The following WDFY4 variants were observed in gnomAD, a reference collection of about 807,000 sequenced individuals.
WDFY4 encodes WD repeat- and FYVE domain-containing protein 4.
WDFY4 carries 169 observed loss-of-function variants against 351.9 expected under a neutral mutation model. That is an observed-to-expected ratio of 0.48 (90% CI 0.42 to 0.55). The LOEUF is 0.55. Among genes scored for constraint, WDFY4 ranks in the 20% least tolerant of loss-of-function variants. WDFY4 has a pLI of 0.00. For synonymous variants in WDFY4, 1,622 were observed against 1,574.6 expected, an observed-to-expected ratio of 1.03 and a Z score of -0.71; for missense variants, 3,803 against 3,935.6, an observed-to-expected ratio of 0.97 and a Z score of 0.90.
intron 47 of WDFY4, among the ~76,000 whole-genome samples, chr10:48,908,959 G>A (rs1260022589): frequency 6.6e-6 from 1 of 152,052 alleles, no homozygotes; most frequent in Non-Finnish European, 1.5e-5. Context: ...TCATGAATCT[G>A]TTTTTCATAT....
At chr10:48,824,461 C>T (rs1327392389) in intron 35 of WDFY4, among the ~76,000 whole-genome samples, 3 of 152,112 alleles carry the variant, frequency 2.0e-5, no homozygotes, top group Non-Finnish European at 2.9e-5. Flanking sequence ...AATCATGTTA[C>T]CATTATTTCA....
At chr10:48,947,056 A>T in intron 51 of WDFY4, 87 bp downstream of exon 51, 6 of 1,119,866 alleles carry the variant, frequency 5.4e-6, no homozygotes, top group African/African-American at 1.6e-5. Flanking sequence ...CTGTGCTTGA[A>T]CAAAGACAGG....
intron 23 of WDFY4, among the ~76,000 whole-genome samples, chr10:48,795,526 TATATATATACAC>T (rs1416769690): frequency 0.09 from 8,189 of 90,674 alleles, 478 homozygotes; most frequent in East Asian, 0.27. Context: ...TATATATACA[TATATATATACAC>T]ACACATGAAT....
intron 1 of WDFY4, among the ~76,000 whole-genome samples, chr10:48,699,905 G>A (rs2063432332): frequency 6.6e-6 from 1 of 152,114 alleles, no homozygotes; most frequent in Non-Finnish European, 1.5e-5. Flanking sequence ...TCCAGGTGTG[G>A]TCCCTGAACC....
At chr10:48,951,517 C>A (rs1219086174) in intron 51 of WDFY4, among the ~76,000 whole-genome samples, 2 of 152,186 alleles carry the variant, frequency 1.3e-5, no homozygotes, top group African/African-American at 4.8e-5. Context: ...AGGGCTCGAG[C>A]AATTTTCCTG....
chr10:48,886,617 C>T (rs1434941537), intron 43 of WDFY4, among the ~76,000 whole-genome samples: 1 of 152,200 alleles, frequency 6.6e-6, no homozygotes, highest in Non-Finnish European at 1.5e-5. Context: ...GATGCCAGTG[C>T]CATGCTCTGG....
intron 11 of WDFY4, among the ~76,000 whole-genome samples, chr10:48,742,263 C>T (rs541506806): frequency 1.1e-4 from 17 of 152,356 alleles, no homozygotes; most frequent in African/African-American, 3.8e-4. Flanking sequence ...GCACACTTGG[C>T]CTATGCTATG....
chr10:48,824,983 A>G (rs565888950), intron 35 of WDFY4, among the ~76,000 whole-genome samples: 8 of 152,268 alleles, frequency 5.3e-5, no homozygotes, highest in South Asian at 2.1e-4. Context: ...TCCAGGGTAC[A>G]TGTGCAGGAT....
intron 12 of WDFY4, among the ~76,000 whole-genome samples, chr10:48,744,636 C>G (rs1460711948): frequency 6.6e-6 from 1 of 152,172 alleles, no homozygotes; most frequent in Non-Finnish European, 1.5e-5. Flanking sequence ...TTCTATGCTA[C>G]TGAAGAGTTT....
chr10:48,938,317 T>G (rs1840525549), intron 47 of WDFY4, among the ~76,000 whole-genome samples: 1 of 152,256 alleles, frequency 6.6e-6, no homozygotes, highest in Admixed American at 6.5e-5. Flanking sequence ...GGGCTACACC[T>G]AGCCTCCTAG....
intron 15 of WDFY4, 74 bp from the exon 16 acceptor site, chr10:48,776,676 T>TTC (rs201837652): frequency 0.045 from 59,617 of 1,336,720 alleles, 1,606 homozygotes; most frequent in Middle Eastern, 0.055. Flanking sequence ...GGCAGATACT[T>TTC]TGGGGTTATT....
Position 48,929,942 on chromosome 10 carries a change from C to T in WDFY4, c.7587-11864C>T, listed in dbSNP as rs1220957584. On this transcript the variant is annotated intron_variant, in intron 47 of 61. Coordinates refer to ENST00000325239, the MANE Select transcript of WDFY4 (RefSeq NM_001394531.1). ...ATGCCCCTTATTTCTCTGCACTTCTCCTCCAATAGCATCTGGCATCTAAAT... is the reference window on the plus strand; with the variant it reads ...ATGCCCCTTATTTCTCTGCACTTCTTCTCCAATAGCATCTGGCATCTAAAT... Among the ~76,000 whole-genome samples the T allele has an allele frequency of 3.3e-5, 5 of 152,134 alleles. No individual in the cohort carries two copies. The East Asian group carries it at 7.7e-4, about 23-fold the overall frequency.
At chr10:48,740,042 T>C (rs2064802964) in intron 11 of WDFY4, among the ~76,000 whole-genome samples, 1 of 152,216 alleles carries the variant, frequency 6.6e-6, no homozygotes, top group Non-Finnish European at 1.5e-5. Flanking sequence ...TCTCCCTTCC[T>C]GATGTTTGTT....
intron 42 of WDFY4, among the ~76,000 whole-genome samples, chr10:48,876,762 G>A (rs966348061): frequency 6.6e-6 from 1 of 152,226 alleles, no homozygotes; most frequent in Admixed American, 6.5e-5. Flanking sequence ...TTGCCCTGTG[G>A]TCACTGGAAG....
At chr10:48,779,416 C>T (rs958823723) in intron 18 of WDFY4, among the ~76,000 whole-genome samples, 1 of 152,204 alleles carries the variant, frequency 6.6e-6, no homozygotes, top group Non-Finnish European at 1.5e-5. Context: ...GGATTCTGTC[C>T]ACTTGTTCTT....
chr10:48,833,371 A>G (rs142902035), intron 39 of WDFY4, among the ~76,000 whole-genome samples: 86 of 152,018 alleles, frequency 5.7e-4, no homozygotes, highest in Non-Finnish European at 1.0e-3. Context: ...TGGCTGGAAC[A>G]CCTACACATG....
intron 57 of WDFY4, among the ~76,000 whole-genome samples, chr10:48,970,933 GTT>G (rs934256071): frequency 2.0e-5 from 3 of 152,120 alleles, no homozygotes; most frequent in African/African-American, 7.2e-5. Context: ...GGCACTTAAC[GTT>G]TGCTTAACAT....
intron 12 of WDFY4, among the ~76,000 whole-genome samples, chr10:48,752,734 A>C (rs1589523610): frequency 6.6e-6 from 1 of 152,250 alleles, no homozygotes; most frequent in African/African-American, 2.4e-5. Context: ...CAATAAAATA[A>C]TATTCCATCA....
At chr10:48,739,838 G>T (rs1349688926) in intron 11 of WDFY4, among the ~76,000 whole-genome samples, 1 of 152,130 alleles carries the variant, frequency 6.6e-6, no homozygotes, top group Admixed American at 6.5e-5. Flanking sequence ...TAATGAGGGT[G>T]ATTATTGGGT....
Sources: gnomAD v4.1 joint callset for allele counts (sites outside exome capture counted in the v4.1 genomes callset) on GRCh38, gnomAD v4.1.1 for gene constraint, MANE v1.5 for transcripts, NCBI Gene and HGNC (gene_info 2026-07-23, HGNC 2026-07-21) for gene names.